Variants in NEURL1 observed in about 807,000 individuals in gnomAD.
The protein encoded by NEURL1 is E3 ubiquitin-protein ligase NEURL1.
Under a neutral mutation model 41.2 loss-of-function variants are expected in NEURL1, and 26 were observed. That is an observed-to-expected ratio of 0.63 (90% CI 0.46 to 0.87). The LOEUF (loss-of-function observed/expected upper bound fraction) is 0.87, where lower values mean the gene tolerates loss of function less well. Ranked by LOEUF, NEURL1 falls within the 40% of genes least tolerant of loss-of-function variation. NEURL1 has a pLI of 0.00. For missense variants in NEURL1, 761 were observed against 871.1 expected (o/e 0.87, Z 1.59); for synonymous variants, 400 against 402.3 (o/e 0.99, Z 0.07).
chr10:103,505,377 C>T (rs557660950), intron 1 of NEURL1, among the ~76,000 whole-genome samples: 1 of 152,266 alleles, frequency 6.6e-6, no homozygotes, highest in East Asian at 1.9e-4. Context: ...GCACCTACCA[C>T]CACACCTGGC....
chr10:103,559,639 T>C (rs1276212593), intron 1 of NEURL1, among the ~76,000 whole-genome samples: 2 of 152,122 alleles, frequency 1.3e-5, no homozygotes, highest in Non-Finnish European at 1.5e-5. Context: ...CCTTCATCTG[T>C]CTGCATCTCA....
At chr10:103,523,235 G>A (rs758476202) in intron 1 of NEURL1, among the ~76,000 whole-genome samples, 7 of 151,916 alleles carry the variant, frequency 4.6e-5, no homozygotes, top group South Asian at 2.1e-4. Context: ...CAGGAGGATC[G>A]CTTGAGGCTA....
At chr10:103,519,593 C>T (rs2034298458) in intron 1 of NEURL1, among the ~76,000 whole-genome samples, 1 of 152,162 alleles carries the variant, frequency 6.6e-6, no homozygotes, top group Non-Finnish European at 1.5e-5. Flanking sequence ...CATCTGAGGG[C>T]TGGTCGGGTC....
chr10:103,550,303 CAGCTATAG>C (rs2035008590), intron 1 of NEURL1, among the ~76,000 whole-genome samples: 1 of 152,134 alleles, frequency 6.6e-6, no homozygotes, highest in Non-Finnish European at 1.5e-5. Flanking sequence ...AAAAGAGGGA[CAGCTATAG>C]TAGTGGGGAG....
chr10:103,530,555 A>G (rs1200114947), intron 1 of NEURL1, among the ~76,000 whole-genome samples: 1 of 150,988 alleles, frequency 6.6e-6, no homozygotes, highest in Admixed American at 6.6e-5. Context: ...TATGATTTCA[A>G]TTCTTTTTTT....
In NEURL1 at chr10:103,512,839, G is replaced by A. The variant is rs536369487; in HGVS notation, c.85+18367G>A. 7.2e-5 allele frequency among the ~76,000 whole-genome samples: 11 copies of A among 152,218 alleles called. No homozygotes were observed. The South Asian group carries it at 2.3e-3, about 32-fold the overall frequency. On this transcript the variant is annotated intron_variant, in intron 1 of 5. Coordinates refer to ENST00000369780, the MANE Select transcript of NEURL1 (RefSeq NM_004210.5). Reference sequence around the variant, plus strand: ...CTGAGGGAGGCAGGAGGGGGACTGGGAACAAGGTGCTGTGTTGTCCAGGAA... The same window carrying A: ...CTGAGGGAGGCAGGAGGGGGACTGGAAACAAGGTGCTGTGTTGTCCAGGAA...
At position 103,566,844 on chromosome 10, in the gene NEURL1, A is replaced by G. The variant is rs74496743; in HGVS notation, c.86-4028A>G. Among the ~76,000 whole-genome samples, 323 of 152,218 alleles carry G rather than the reference A, an allele frequency of 2.1e-3. 1 individual carries two copies. The highest frequency in any genetic ancestry group is 4.1e-3 in the Non-Finnish European group (278 of 68,014). On this transcript the variant is annotated intron_variant, in intron 1 of 5. Coordinates refer to ENST00000369780, the MANE Select transcript of NEURL1 (RefSeq NM_004210.5). This position sits in a 1 kb window ranked among gnomAD's most constrained non-coding sequence, Gnocchi z 4.2. ...TAGGAGGGCTGAGGACATGGTTTAC[A>G]TTTCTGTGTTTTGGTGGCATACATA...
At chr10:103,583,970 T>G (rs1010374463) in intron 3 of NEURL1, among the ~76,000 whole-genome samples, 6 of 152,074 alleles carry the variant, frequency 3.9e-5, no homozygotes, top group Non-Finnish European at 8.8e-5. Flanking sequence ...CTTGGATAGA[T>G]CTACTTCTCA....
Position 103,584,825 on chromosome 10 carries a change from G to C in NEURL1, c.939G>C (p.Val313=), listed in dbSNP as rs766178822. ...TCCGCATCCTCGACGAGCAGACGGTGGCGCGCGTGGAGCACGGGCGCGACG... is the reference window on the plus strand; with the variant it reads ...TCCGCATCCTCGACGAGCAGACGGTCGCGCGCGTGGAGCACGGGCGCGACG... ...AHVRILDEQT[V]ARVEHGRDER... is the part of the protein sequence containing the mutation. The change falls in exon 4 of 6, where the codon GTG becomes GTC. Residue 313 remains valine, a synonymous_variant. Coordinates refer to ENST00000369780, the MANE Select transcript of NEURL1 (RefSeq NM_004210.5). 7.1e-7 allele frequency: 1 copy of C among 1,415,722 alleles called. No homozygotes were observed. The highest frequency in any genetic ancestry group is 9.2e-7 in the Non-Finnish European group (1 of 1,092,586). 87.7% of individuals were successfully genotyped at this position (1,415,722 alleles called of 1,614,324 possible). A position where few individuals can be genotyped will look rare whatever the true frequency, so the allele number is the denominator to read the frequency against.
At position 103,508,870 on chromosome 10, in the gene NEURL1, A is replaced by C. The variant is rs144142652; in HGVS notation, c.85+14398A>C. ...TGTTTTAGGGATCTTGGGTTTCCTC[A>C]TCTGATCCCCCAAGTTGAGGTTGTG... On this transcript the variant is annotated intron_variant, in intron 1 of 5. Coordinates refer to ENST00000369780, the MANE Select transcript of NEURL1 (RefSeq NM_004210.5). This position sits in a 1 kb window ranked among gnomAD's most constrained non-coding sequence, Gnocchi z 4.3. Among the ~76,000 whole-genome samples, 199 of 152,294 alleles carry C rather than the reference A, an allele frequency of 1.3e-3. 1 individual carries two copies. Among genetic ancestry groups the C allele is most frequent in the African/African-American group, 4.6e-3 (193 of 41,572 alleles).
chr10:103,505,036 G>T (rs908683438), intron 1 of NEURL1, among the ~76,000 whole-genome samples: 1 of 147,190 alleles, frequency 6.8e-6, no homozygotes, highest in Non-Finnish European at 1.5e-5. Context: ...AAAAATAATA[G>T]CTCTCCTGTA....
At chr10:103,521,691 G>C (rs2034352094) in intron 1 of NEURL1, among the ~76,000 whole-genome samples, 1 of 152,224 alleles carries the variant, frequency 6.6e-6, no homozygotes, top group Admixed American at 6.5e-5. Flanking sequence ...CTTGGTCCAA[G>C]AACCATTTGC....
chr10:103,537,631 C>T (rs112373232), intron 1 of NEURL1, among the ~76,000 whole-genome samples: 2,352 of 152,168 alleles, frequency 0.015, 22 homozygotes, highest in Non-Finnish European at 0.021. Context: ...TGAGTTCAAG[C>T]GATCCGCCCA....
At chr10:103,543,592 A>C (rs922481465) in intron 1 of NEURL1, among the ~76,000 whole-genome samples, 6 of 152,202 alleles carry the variant, frequency 3.9e-5, no homozygotes, top group Admixed American at 2.6e-4. Context: ...AAGGATCTAG[A>C]GATAAAAAGA....
intron 3 of NEURL1, among the ~76,000 whole-genome samples, chr10:103,575,108 T>C (rs2035632422): frequency 6.6e-6 from 1 of 151,974 alleles, no homozygotes; most frequent in Non-Finnish European, 1.5e-5. Context: ...TACTCCCCTC[T>C]ACCCCAGGTA....
At chr10:103,589,793 T>C (rs1485439062) in intron 5 of NEURL1, 133 bp downstream of exon 5, 2 of 1,254,324 alleles carry the variant, frequency 1.6e-6, no homozygotes, top group African/African-American at 3.0e-5. Flanking sequence ...GGGTGATTTC[T>C]GGGGTCATCC....
In NEURL1 at chr10:103,508,350, A is replaced by G. The variant is rs1230303275; in HGVS notation, c.85+13878A>G. On this transcript the variant is annotated intron_variant, in intron 1 of 5. Coordinates refer to ENST00000369780, the MANE Select transcript of NEURL1 (RefSeq NM_004210.5). This position sits in a 1 kb window ranked among gnomAD's most constrained non-coding sequence, Gnocchi z 4.3. ...ACTCAGATTCTTCCTGGGTCTCTTC[A>G]TGGGACCTCTTTGAATTAGCATTAG... is the stretch of plus-strand genomic sequence containing the variant. 1.3e-5 allele frequency among the ~76,000 whole-genome samples: 2 copies of G among 152,220 alleles called. No homozygotes were observed. Among genetic ancestry groups the G allele is most frequent in the Non-Finnish European group, 2.9e-5 (2 of 68,032 alleles).
chr10:103,509,534 GATGTTATC>G (rs2034023994), intron 1 of NEURL1, among the ~76,000 whole-genome samples: 1 of 152,176 alleles, frequency 6.6e-6, no homozygotes, highest in African/African-American at 2.4e-5. Context: ...ATTGCACGAT[GATGTTATC>G]ATGGCTACGA....
rs908843029 is a variant in NEURL1, at chr10:103,494,335, C to G, written c.-53C>G. The G allele has an allele frequency of 6.7e-7, 1 of 1,490,614 alleles. No homozygotes were observed. The highest frequency in any genetic ancestry group is 1.2e-5 in the South Asian group (1 of 82,894). 92.3% of individuals were successfully genotyped at this position (1,490,614 alleles called of 1,614,324 possible). A position where few individuals can be genotyped will look rare whatever the true frequency, so the allele number is the denominator to read the frequency against. Reference sequence around the variant, plus strand: ...ACACTCGCACACCGCACCTCAGCGCCTGCCCGGCCTCGCCCCCACCCGCGA... The same window carrying G: ...ACACTCGCACACCGCACCTCAGCGCGTGCCCGGCCTCGCCCCCACCCGCGA... On this transcript the variant is annotated 5_prime_UTR_variant, in exon 1 of 6. Transcript: ENST00000369780.
Sources: gnomAD v4.1 joint callset for allele counts (sites outside exome capture counted in the v4.1 genomes callset) on GRCh38, gnomAD v4.1.1 for gene constraint, Gnocchi (gnomAD v3.1) non-coding constraint, MANE v1.5 for transcripts, NCBI Gene and HGNC (gene_info 2026-07-23, HGNC 2026-07-21) for gene names.